Variants in GALNTL6 observed in about 807,000 individuals in gnomAD.
GALNTL6 encodes the protein polypeptide N-acetylgalactosaminyltransferase like 6, also known as polypeptide N-acetylgalactosaminyltransferase-like 6.
Under a neutral mutation model 73.7 loss-of-function variants are expected in GALNTL6, and 46 were observed. The observed-to-expected ratio is 0.62, with a 90% CI of 0.49 to 0.80. GALNTL6 has a LOEUF of 0.80. Ranked by LOEUF, GALNTL6 falls within the 30% of genes least tolerant of loss-of-function variation. The pLI is 0.00. For missense variants in GALNTL6, 604 were observed against 755.0 expected (o/e 0.80, Z 2.34); for synonymous variants, 259 against 263.7 (o/e 0.98, Z 0.17).
chr4:172,798,532 C>T (rs1041559838), intron 5 of GALNTL6, among the ~76,000 whole-genome samples: 3 of 152,162 alleles, frequency 2.0e-5, no homozygotes, highest in African/African-American at 4.8e-5. Flanking sequence ...CCTAGCCATG[C>T]TTCTTATATA....
At chr4:172,521,082 T>C (rs961929432) in intron 5 of GALNTL6, among the ~76,000 whole-genome samples, 1 of 152,084 alleles carries the variant, frequency 6.6e-6, no homozygotes, top group African/African-American at 2.4e-5. Context: ...TTCATGTAAT[T>C]TCAAGATAGA....
intron 3 of GALNTL6, among the ~76,000 whole-genome samples, chr4:172,305,997 A>T (rs780908789): frequency 6.6e-6 from 1 of 152,188 alleles, no homozygotes; most frequent in South Asian, 2.1e-4. Context: ...AAGTGACAGA[A>T]TCTAAAGGCT....
chr4:172,871,627 TG>T (rs1744944546), intron 7 of GALNTL6, among the ~76,000 whole-genome samples: 1 of 149,516 alleles, frequency 6.7e-6, no homozygotes, highest in South Asian at 2.1e-4. Context: ...TGTGTGTGTG[TG>T]TGTGTGTGTG....
chr4:172,568,801 G>T (rs1380168400), intron 5 of GALNTL6, among the ~76,000 whole-genome samples: 1 of 146,860 alleles, frequency 6.8e-6, no homozygotes, highest in South Asian at 2.1e-4. Flanking sequence ...GAACATCTAC[G>T]TCAAGCTTGT....
At chr4:172,327,900 T>C (rs999171860) in intron 4 of GALNTL6, among the ~76,000 whole-genome samples, 2 of 152,146 alleles carry the variant, frequency 1.3e-5, no homozygotes, top group Admixed American at 6.5e-5. Context: ...AGGTTAATAT[T>C]GATATGTGTC....
chr4:172,817,983 A>G (rs984198970), intron 7 of GALNTL6, among the ~76,000 whole-genome samples: 3 of 152,224 alleles, frequency 2.0e-5, no homozygotes, highest in Non-Finnish European at 4.4e-5. Flanking sequence ...TGCCATGCCT[A>G]TACTGCCCAA....
intron 2 of GALNTL6, among the ~76,000 whole-genome samples, chr4:172,203,201 A>G (rs1025810006): frequency 2.0e-5 from 3 of 152,176 alleles, no homozygotes; most frequent in Non-Finnish European, 4.4e-5. Flanking sequence ...CCATATAGCT[A>G]TATTGGTTAT....
intron 9 of GALNTL6, among the ~76,000 whole-genome samples, chr4:172,946,125 G>A (rs1363607512): frequency 1.8e-4 from 1 of 5,666 alleles, no homozygotes; most frequent in Non-Finnish European, 4.3e-4. Flanking sequence ...GGGAAAAAGC[G>A]TGTGTGTGTG....
intron 2 of GALNTL6, among the ~76,000 whole-genome samples, chr4:171,936,239 T>C (rs1028779577): frequency 1.3e-5 from 2 of 152,100 alleles, no homozygotes; most frequent in Admixed American, 1.3e-4. Context: ...CCAAGTACAA[T>C]ATAAATAGAC....
intron 10 of GALNTL6, among the ~76,000 whole-genome samples, chr4:172,961,311 C>T: frequency 6.8e-6 from 1 of 147,510 alleles, no homozygotes; most frequent in South Asian, 2.2e-4. Flanking sequence ...GTGCTTGCCC[C>T]CCCAGGAAAG....
intron 3 of GALNTL6, among the ~76,000 whole-genome samples, chr4:172,245,523 T>C (rs1430003556): frequency 6.6e-6 from 1 of 152,156 alleles, no homozygotes; most frequent in Non-Finnish European, 1.5e-5. Context: ...ATGTCACCAT[T>C]ATGACATTAA....
At chr4:172,060,805 G>A (rs931498658) in intron 2 of GALNTL6, among the ~76,000 whole-genome samples, 3 of 152,116 alleles carry the variant, frequency 2.0e-5, no homozygotes, top group Non-Finnish European at 2.9e-5. Context: ...ATTTTTCTGC[G>A]TGGATGAATG....
At chr4:172,075,328 TTTTG>T (rs543149773) in intron 2 of GALNTL6, among the ~76,000 whole-genome samples, 3 of 152,152 alleles carry the variant, frequency 2.0e-5, no homozygotes, top group South Asian at 4.2e-4. Context: ...ACAGGTATCT[TTTTG>T]TTTGTTTGTT....
chr4:172,603,944 T>A (rs1313987009), intron 5 of GALNTL6, among the ~76,000 whole-genome samples: 1 of 152,198 alleles, frequency 6.6e-6, no homozygotes, highest in African/African-American at 2.4e-5. Flanking sequence ...TCAGAAAGCA[T>A]CCCAAACTCA....
At chr4:172,084,789 G>T (rs1409568105) in intron 2 of GALNTL6, among the ~76,000 whole-genome samples, 2 of 152,070 alleles carry the variant, frequency 1.3e-5, no homozygotes, top group African/African-American at 2.4e-5. Context: ...TCATATACAG[G>T]TGATGATTAT....
chr4:171,865,025 A>C (rs1735933446), intron 2 of GALNTL6, among the ~76,000 whole-genome samples: 1 of 152,114 alleles, frequency 6.6e-6, no homozygotes, highest in South Asian at 2.1e-4. Flanking sequence ...GTGCACCTCT[A>C]ATCCCAGCTA....
At chr4:172,176,337 C>CAAAAAAAAA (rs562300659) in intron 2 of GALNTL6, among the ~76,000 whole-genome samples, 483 of 31,356 alleles carry the variant, frequency 0.015, 150 homozygotes, top group African/African-American at 0.063. Context: ...GACTCCGTCT[C>CAAAAAAAAA]AAAAAAAAAA....
intron 2 of GALNTL6, among the ~76,000 whole-genome samples, chr4:171,974,167 C>G (rs1044064293): frequency 2.7e-5 from 4 of 150,864 alleles, no homozygotes; most frequent in Non-Finnish European, 5.9e-5. Flanking sequence ...ACCCAGCTAA[C>G]CTTTTTTTTT....
chr4:171,859,892 C>T (rs1019969287), intron 2 of GALNTL6, among the ~76,000 whole-genome samples: 4 of 152,210 alleles, frequency 2.6e-5, no homozygotes, highest in Non-Finnish European at 5.9e-5. Context: ...TTAAGGTAAA[C>T]TTATCTGGTC....
Sources: allele counts gnomAD v4.1 joint callset (sites outside exome capture counted in the v4.1 genomes callset), GRCh38; gene constraint gnomAD v4.1.1; transcripts MANE v1.5; gene names NCBI Gene and HGNC (gene_info 2026-07-23, HGNC 2026-07-21).